The following NDUFAF6 variants were observed in gnomAD, a reference collection of about 807,000 sequenced individuals.
The protein encoded by NDUFAF6 is NADH dehydrogenase (ubiquinone) complex I, assembly factor 6.
Under a neutral mutation model 40.8 loss-of-function variants are expected in NDUFAF6, and 45 were observed. The ratio of observed to expected loss-of-function variants is 1.10; its 90% confidence interval spans 0.87 to 1.42. The LOEUF is 1.42. Ranked by LOEUF, NDUFAF6 falls within the 40% of genes most tolerant of loss-of-function variation. The pLI, the probability that NDUFAF6 is intolerant of heterozygous loss-of-function variation, is 0.00. For missense variants in NDUFAF6, 435 were observed against 418.5 expected (o/e 1.04, Z -0.34); for synonymous variants, 185 against 155.9 (o/e 1.19, Z -1.39).
At chr8:94,963,506 G>C (rs532937831) in intron 1 of NDUFAF6, among the ~76,000 whole-genome samples, 1 of 152,218 alleles carries the variant, frequency 6.6e-6, no homozygotes, top group Non-Finnish European at 1.5e-5. Flanking sequence ...GATGAATACA[G>C]TTATGTCAGG....
At chr8:94,897,928 T>C (rs1339533748) in intron 1 of NDUFAF6, among the ~76,000 whole-genome samples, 1 of 152,198 alleles carries the variant, frequency 6.6e-6, no homozygotes, top group Admixed American at 6.5e-5. Context: ...GAATTGTATG[T>C]AGGATATCCC....
At chr8:94,896,302 C>T (rs941812910) in intron 1 of NDUFAF6, 2 of 149,248 alleles carry the variant, frequency 1.3e-5, no homozygotes, top group African/African-American at 4.9e-5. Context: ...CCTGCGGAGC[C>T]CGCGCGAGCC....
intron 1 of NDUFAF6, among the ~76,000 whole-genome samples, chr8:94,915,600 TG>T (rs1819079707): frequency 6.6e-6 from 1 of 152,220 alleles, no homozygotes; most frequent in African/African-American, 2.4e-5. Flanking sequence ...TTGGGATTGT[TG>T]GGTCGAATGG....
At chr8:94,960,053 T>C (rs1296743416) in intron 1 of NDUFAF6, among the ~76,000 whole-genome samples, 2 of 152,242 alleles carry the variant, frequency 1.3e-5, no homozygotes, top group African/African-American at 4.8e-5. Flanking sequence ...AACCTTGGCT[T>C]CACATTTTGT....
intron 2 of NDUFAF6, among the ~76,000 whole-genome samples, chr8:94,946,011 C>G (rs1259667753): frequency 6.6e-6 from 1 of 152,044 alleles, no homozygotes; most frequent in Admixed American, 6.5e-5. Context: ...ATAAACTGAA[C>G]AAAACCACAT....
At chr8:95,103,024 T>G (rs1809703079) in exon 3 of NDUFAF6, 1 of 152,162 alleles carries the variant, frequency 6.6e-6, no homozygotes, top group Non-Finnish European at 1.5e-5. Context: ...GGGTGGCAAC[T>G]CCAGGCTTTT....
At chr8:95,025,232 C>A in intron 1 of NDUFAF6, 27 bp downstream of exon 1, 2 of 1,374,400 alleles carry the variant, frequency 1.5e-6, no homozygotes, top group Non-Finnish European at 1.9e-6. Flanking sequence ...TTCCCTGGCG[C>A]GGCGGGAAGC....
Position 94,909,348 on chromosome 8 carries a change from C to CAAAAAAA in NDUFAF6, c.-936+13449_-936+13455dup, listed in dbSNP as rs556065794. On this transcript the variant is annotated intron_variant, in intron 1 of 14. Transcript: ENST00000396113. ...TGGACGACAGAGGGAGACTCCGTCT[C>CAAAAAAA]AAAAAAAAAAAAAAAAAAAAAAAAA... Among the ~76,000 whole-genome samples, 83 of 91,896 alleles carry CAAAAAAA rather than the reference C, an allele frequency of 9.0e-4. 2 individuals carry two copies. The highest frequency in any genetic ancestry group is 3.2e-3 in the African/African-American group (63 of 19,638). 60.3% of individuals were successfully genotyped at this position (91,896 alleles called of 152,430 possible). A position where few individuals can be genotyped will look rare whatever the true frequency, so the allele number is the denominator to read the frequency against.
chr8:94,974,254 A>T (rs575804091), intron 1 of NDUFAF6, among the ~76,000 whole-genome samples: 1 of 151,750 alleles, frequency 6.6e-6, no homozygotes. Flanking sequence ...TATAAGGAAA[A>T]AAAAAAACCA....
At chr8:95,111,694 G>C (rs1174851666) in intron 4 of NDUFAF6, among the ~76,000 whole-genome samples, 1 of 152,122 alleles carries the variant, frequency 6.6e-6, no homozygotes, top group African/African-American at 2.4e-5. Flanking sequence ...AGTCATCTGG[G>C]ATCCACCATG....
intron 1 of NDUFAF6, among the ~76,000 whole-genome samples, chr8:94,933,521 T>G (rs1201259459): frequency 6.6e-6 from 1 of 152,138 alleles, no homozygotes; most frequent in Non-Finnish European, 1.5e-5. Context: ...TCCCAGCACT[T>G]TGGAAGGCCA....
chr8:95,000,344 A>C (rs1826663902), intron 2 of NDUFAF6, among the ~76,000 whole-genome samples: 1 of 152,104 alleles, frequency 6.6e-6, no homozygotes, highest in Admixed American at 6.6e-5. Context: ...TCTGAAAAAA[A>C]TGAAAGCTTA....
At chr8:94,960,774 A>G (rs1399700550) in intron 1 of NDUFAF6, among the ~76,000 whole-genome samples, 4 of 152,214 alleles carry the variant, frequency 2.6e-5, no homozygotes, top group Non-Finnish European at 5.9e-5. Context: ...TTTGTTTTTG[A>G]TAACAGTGTA....
At chr8:94,986,636 G>A (rs560697468) in intron 2 of NDUFAF6, among the ~76,000 whole-genome samples, 2 of 152,258 alleles carry the variant, frequency 1.3e-5, no homozygotes, top group East Asian at 1.9e-4. Context: ...AATTCCATGG[G>A]GTTTTCGGTT....
chr8:95,102,560 G>T (rs1809683133), intron 2 of NDUFAF6, among the ~76,000 whole-genome samples: 1 of 152,150 alleles, frequency 6.6e-6, no homozygotes, highest in Admixed American at 6.5e-5. Context: ...CAGTGTCAGT[G>T]GAACTTGCTA....
chr8:95,044,603 C>CAGGTGTA (rs1373630281), intron 4 of NDUFAF6: 1 of 152,012 alleles, frequency 6.6e-6, no homozygotes, highest in Admixed American at 6.6e-5. Context: ...CAGGTGCCTA[C>CAGGTGTA]CACAATGCCC....
At chr8:94,908,919 A>G (rs1410889825) in intron 1 of NDUFAF6, among the ~76,000 whole-genome samples, 1 of 152,208 alleles carries the variant, frequency 6.6e-6, no homozygotes, top group Non-Finnish European at 1.5e-5. Flanking sequence ...TCCACATTTT[A>G]TAACTAGAAT....
At position 95,047,926 on chromosome 8, in the gene NDUFAF6, G is replaced by A. The variant is rs569110767; in HGVS notation, c.715-531G>A. Reference sequence around the variant, plus strand: ...ACTTGTTAATTAACATCTTGTTGTGGCCAGGTGCGGTGACTCATGCCTGTA... The same window carrying A: ...ACTTGTTAATTAACATCTTGTTGTGACCAGGTGCGGTGACTCATGCCTGTA... On this transcript the variant is annotated intron_variant, in intron 6 of 8. Transcript: ENST00000396124. Among the ~76,000 whole-genome samples, 5 of 152,066 alleles carry A rather than the reference G, an allele frequency of 3.3e-5. No individual in the cohort carries two copies. The South Asian group carries it at 1.0e-3, about 32-fold the overall frequency.
upstream of NDUFAF6, among the ~76,000 whole-genome samples, chr8:94,956,315 C>T (rs1463258605): frequency 6.6e-6 from 1 of 152,086 alleles, no homozygotes; most frequent in Non-Finnish European, 1.5e-5. Flanking sequence ...GAAGGCCTCT[C>T]CAGAAGGTGA....
Sources: allele counts gnomAD v4.1 joint callset (sites outside exome capture counted in the v4.1 genomes callset), GRCh38; gene constraint gnomAD v4.1.1; transcripts MANE v1.5; gene names NCBI Gene and HGNC (gene_info 2026-07-23, HGNC 2026-07-21).